EVA1C: variants seen among roughly 807,000 people sequenced by gnomAD.
EVA1C encodes protein eva-1 homolog C.
Under a neutral mutation model 45.4 loss-of-function variants are expected in EVA1C, and 25 were observed. The observed-to-expected ratio is 0.55, with a 90% CI of 0.40 to 0.77. The LOEUF (loss-of-function observed/expected upper bound fraction) is 0.77. Among genes scored for constraint, EVA1C ranks in the 30% least tolerant of loss-of-function variants. The pLI is 0.00. For missense variants in EVA1C, 479 were observed against 554.8 expected, an observed-to-expected ratio of 0.86 and a Z score of 1.37; for synonymous variants, 190 against 221.2, an observed-to-expected ratio of 0.86 and a Z score of 1.25.
At chr21:32,422,491 G>A (rs1326170186) in intron 1 of EVA1C, among the ~76,000 whole-genome samples, 1 of 152,124 alleles carries the variant, frequency 6.6e-6, no homozygotes, top group Non-Finnish European at 1.5e-5. Context: ...AGCATTCCAA[G>A]GAAGATAAAT....
intron 3 of EVA1C, among the ~76,000 whole-genome samples, chr21:32,461,298 T>G (rs1296183818): frequency 6.6e-6 from 1 of 152,214 alleles, no homozygotes; most frequent in Non-Finnish European, 1.5e-5. Context: ...GTTGGGGCTC[T>G]ATCTATAGGG....
intron 1 of EVA1C, among the ~76,000 whole-genome samples, chr21:32,444,091 C>A (rs12483153): frequency 0.05 from 7,301 of 146,334 alleles, 343 homozygotes; most frequent in East Asian, 0.2. Flanking sequence ...CACACACACA[C>A]AAACTCAAAG....
Position 32,515,210 on chromosome 21 carries a change from G to A in EVA1C, c.*20G>A. The A allele has an allele frequency of 6.5e-7, 1 of 1,541,786 alleles. No individual in the cohort carries two copies. Among genetic ancestry groups the A allele is most frequent in the South Asian group, 1.3e-5 (1 of 79,254 alleles). ...TACTGAAAACCACATGCATCTTGAT[G>A]CGATCGCACTTTCTGAAGAAGGAAG... On this transcript the variant is annotated 3_prime_UTR_variant, in exon 8 of 8. Coordinates refer to ENST00000300255, the MANE Select transcript of EVA1C (RefSeq NM_058187.5).
intron 4 of EVA1C, among the ~76,000 whole-genome samples, chr21:32,468,410 A>G (rs1277494747): frequency 6.6e-6 from 1 of 151,660 alleles, no homozygotes; most frequent in Non-Finnish European, 1.5e-5. Flanking sequence ...AAAACAAACA[A>G]AAAAACAAGA....
intron 3 of EVA1C, among the ~76,000 whole-genome samples, chr21:32,458,929 C>A (rs574193091): frequency 1.3e-5 from 2 of 152,076 alleles, no homozygotes; most frequent in East Asian, 1.9e-4. Context: ...AGGCCACACT[C>A]GTACTATGGT....
chr21:32,444,773 C>A lies in EVA1C; in HGVS notation c.161-8539C>A, dbSNP rs1415606868. Among the ~76,000 whole-genome samples, 4 of 152,164 alleles carry A rather than the reference C, an allele frequency of 2.6e-5. No individual in the cohort carries two copies. The South Asian group carries it at 8.3e-4, about 32-fold the overall frequency. ...CTTGGTCTTTCCAGGGACCAGTCCCCATCCTGAAGCTAGCTAGGGGCTGCC... is the reference window on the plus strand; with the variant it reads ...CTTGGTCTTTCCAGGGACCAGTCCCAATCCTGAAGCTAGCTAGGGGCTGCC... On this transcript the variant is annotated intron_variant, in intron 1 of 7. Coordinates refer to ENST00000300255, the MANE Select transcript of EVA1C (RefSeq NM_058187.5).
intron 1 of EVA1C, among the ~76,000 whole-genome samples, chr21:32,450,410 G>A (rs2011344): frequency 0.16 from 23,479 of 148,816 alleles, 2,173 homozygotes; most frequent in Admixed American, 0.24. Context: ...TCTAGCTACA[G>A]TGACAAGATC....
intron 1 of EVA1C, among the ~76,000 whole-genome samples, chr21:32,427,662 G>A (rs935818532): frequency 1.3e-4 from 20 of 150,560 alleles, no homozygotes; most frequent in African/African-American, 4.6e-4. Flanking sequence ...GCAGTGAGCC[G>A]ATATCGTGCC....
intron 7 of EVA1C, among the ~76,000 whole-genome samples, chr21:32,508,875 C>T (rs113612895): frequency 6.6e-6 from 1 of 152,146 alleles, no homozygotes; most frequent in African/African-American, 2.4e-5. Flanking sequence ...CTCCCATGGG[C>T]ATGCAACAGC....
At position 32,457,700 on chromosome 21, in the gene EVA1C, T is replaced by C. The variant is rs2035839407; in HGVS notation, c.461T>C (p.Val154Ala). 6.2e-7 allele frequency: 1 copy of C among 1,613,996 alleles called. No individual in the cohort carries two copies. The highest frequency in any genetic ancestry group is 8.5e-7 in the Non-Finnish European group (1 of 1,179,996). Residue 154 changes from valine (V) to alanine (A), a missense_variant, in exon 3 of 8, where the codon GTC becomes GCC. Coordinates refer to ENST00000300255, the MANE Select transcript of EVA1C (RefSeq NM_058187.5). Reference protein sequence around the residue: ...LCPGSSKYLLVSFKCQPNELK... With the variant: ...LCPGSSKYLLASFKCQPNELK... ...CCAGGAAGCAGTAAATACCTCCTGG[T>C]CTCCTTTAAATGCCAACCTAGTAAG...
intron 5 of EVA1C, among the ~76,000 whole-genome samples, chr21:32,495,694 C>A (rs911823795): frequency 6.6e-6 from 1 of 152,216 alleles, no homozygotes; most frequent in Non-Finnish European, 1.5e-5. Context: ...GACAGCATTA[C>A]TTTGTTTTCC....
Position 32,501,494 on chromosome 21 carries a change from T to C in EVA1C, c.858T>C (p.Tyr286=), listed in dbSNP as rs771432974. The stretch of plus-strand genomic sequence containing the variant: ...CTTTGAAGCAGAAAGATGGTGAATA[T>C]GGTAATTTTTATGGCTTACTACCAG... ...KPSLKQKDGE[Y]GINFDPSGSK... The change falls in exon 6 of 8, where the codon TAT becomes TAC. Residue 286 remains tyrosine (Y), a splice_region_variant and synonymous_variant. Transcript: ENST00000300255. The C allele has an allele frequency of 2.5e-6, 4 of 1,594,796 alleles. No homozygotes were observed. Among genetic ancestry groups the C allele is most frequent in the South Asian group, 2.2e-5 (2 of 90,384 alleles).
At chr21:32,457,323 C>A (rs2146264577) in intron 2 of EVA1C, among the ~76,000 whole-genome samples, 1 of 152,350 alleles carries the variant, frequency 6.6e-6, no homozygotes, top group African/African-American at 2.4e-5. Flanking sequence ...AGTGCCTTTG[C>A]TGAAAGTAGC....
intron 7 of EVA1C, among the ~76,000 whole-genome samples, chr21:32,506,444 G>A (rs1267998788): frequency 6.6e-6 from 1 of 151,638 alleles, no homozygotes; most frequent in African/African-American, 2.4e-5. Context: ...GGGGTGTTTG[G>A]TGACATTTAT....
At chr21:32,424,121 G>A (rs1004312420) in intron 1 of EVA1C, among the ~76,000 whole-genome samples, 2 of 152,168 alleles carry the variant, frequency 1.3e-5, no homozygotes, top group African/African-American at 2.4e-5. Context: ...AGGCCCATGC[G>A]ATGCGTACTC....
intron 4 of EVA1C, among the ~76,000 whole-genome samples, chr21:32,487,269 C>T (rs1364136810): frequency 6.6e-6 from 1 of 152,114 alleles, no homozygotes; most frequent in African/African-American, 2.4e-5. Context: ...CACACCCACC[C>T]CCTATCTCCC....
At chr21:32,412,167 C>G (rs2033844423), upstream of EVA1C, 2 of 152,278 alleles carry the variant, frequency 1.3e-5, no homozygotes, top group African/African-American at 4.8e-5. Flanking sequence ...GGGGCTCAGT[C>G]TCCTCTTCTG....
intron 1 of EVA1C, among the ~76,000 whole-genome samples, chr21:32,434,676 G>A (rs1164857222): frequency 2.6e-5 from 4 of 152,034 alleles, no homozygotes; most frequent in African/African-American, 7.2e-5. Context: ...GGGAAATTTT[G>A]GACACAGATG....
chr21:32,429,310 G>C (rs942719156), intron 1 of EVA1C, among the ~76,000 whole-genome samples: 1 of 141,334 alleles, frequency 7.1e-6, no homozygotes, highest in African/African-American at 2.7e-5. Flanking sequence ...CAAAGTGCTG[G>C]GATTTCAGGC....
Sources: allele counts gnomAD v4.1 joint callset (sites outside exome capture counted in the v4.1 genomes callset), GRCh38; gene constraint gnomAD v4.1.1; transcripts MANE v1.5; gene names NCBI Gene and HGNC (gene_info 2026-07-23, HGNC 2026-07-21).